The following KIRREL3 variants were observed in gnomAD, a reference collection of about 807,000 sequenced individuals.
KIRREL3 encodes the protein kin of IRRE-like protein 3.
In KIRREL3, 36 loss-of-function variants were observed where a neutral mutation model predicts 89.7. The ratio of observed to expected loss-of-function variants is 0.40; its 90% confidence interval spans 0.31 to 0.53. The LOEUF (loss-of-function observed/expected upper bound fraction) is 0.53, where lower values mean the gene tolerates loss of function less well. Among genes scored for constraint, KIRREL3 ranks in the 20% least tolerant of loss-of-function variants. The pLI is 0.49. For missense variants in KIRREL3, 864 were observed against 1,056.6 expected, an observed-to-expected ratio of 0.82 and a Z score of 2.53; for synonymous variants, 445 against 441.4, an observed-to-expected ratio of 1.01 and a Z score of -0.10.
intron 1 of KIRREL3, among the ~76,000 whole-genome samples, chr11:126,949,457 G>A (rs1416134351): frequency 6.6e-6 from 1 of 152,188 alleles, no homozygotes; most frequent in Non-Finnish European, 1.5e-5. Context: ...GGAACACAGA[G>A]ATGCTCATGC....
intron 1 of KIRREL3, among the ~76,000 whole-genome samples, chr11:126,937,689 G>A (rs1304889410): frequency 6.6e-6 from 1 of 151,974 alleles, no homozygotes; most frequent in Non-Finnish European, 1.5e-5. Flanking sequence ...CACGAGGTCA[G>A]GAGATCAAGA....
chr11:126,787,623 G>A (rs531677679), intron 1 of KIRREL3, among the ~76,000 whole-genome samples: 1 of 152,240 alleles, frequency 6.6e-6, no homozygotes, highest in South Asian at 2.1e-4. Context: ...CAATTCCTTG[G>A]TTAGATGGAA....
chr11:126,925,101 G>A (rs764273832), intron 1 of KIRREL3, among the ~76,000 whole-genome samples: 2 of 59,128 alleles, frequency 3.4e-5, no homozygotes, highest in African/African-American at 5.6e-4. Context: ...AAAGGTCGGG[G>A]GGGGGGGGGG....
At chr11:126,461,396 T>G (rs1956536593) in intron 6 of KIRREL3, among the ~76,000 whole-genome samples, 1 of 152,186 alleles carries the variant, frequency 6.6e-6, no homozygotes, top group Non-Finnish European at 1.5e-5. Context: ...CTGCTTGCAC[T>G]GTGTGCCCCG....
rs1565424164 is a variant in KIRREL3 at position 126,923,254 on chromosome 11, TCTTCTTCTTCTTCTCCTTCTC to T, written c.55+77180_55+77200del. On this transcript the variant is annotated intron_variant, in intron 1 of 16. Coordinates refer to ENST00000525144, the MANE Select transcript of KIRREL3 (RefSeq NM_032531.4). The stretch of plus-strand genomic sequence containing the variant: ...TTCTTCTTCTTCTTCTTCTTCTTCT[TCTTCTTCTTCTTCTCCTTCTC>T]CTTCTCCTTCTCCTTCTCCTTCTTC... Among the ~76,000 whole-genome samples, 184 of 95,218 alleles carry T rather than the reference TCTTCTTCTTCTTCTCCTTCTC, an allele frequency of 1.9e-3. 20 individuals carry two copies. The highest frequency in any genetic ancestry group is 2.4e-3 in the African/African-American group (49 of 20,822). 62.5% of individuals were successfully genotyped at this position (95,218 alleles called of 152,430 possible).
At chr11:126,875,767 A>G (rs1945262838) in intron 1 of KIRREL3, among the ~76,000 whole-genome samples, 2 of 152,234 alleles carry the variant, frequency 1.3e-5, no homozygotes, top group Admixed American at 1.3e-4. Context: ...TGCCCAATGC[A>G]TTTGTCTTCA....
intron 7 of KIRREL3, among the ~76,000 whole-genome samples, chr11:126,451,401 T>C (rs1015130790): frequency 4.9e-4 from 55 of 112,840 alleles, no homozygotes; most frequent in Non-Finnish European, 8.3e-4. Flanking sequence ...AACGTGTGCA[T>C]GTGTGCATGT....
chr11:126,930,458 C>T, intron 1 of KIRREL3, among the ~76,000 whole-genome samples: 1 of 152,214 alleles, frequency 6.6e-6, no homozygotes, highest in Non-Finnish European at 1.5e-5. Context: ...CATCTCACTG[C>T]CCTACTGCGG....
At position 126,883,090 on chromosome 11, in the gene KIRREL3, C is replaced by A. The variant is rs529984889; in HGVS notation, c.55+117365G>T. Among the ~76,000 whole-genome samples, 387 of 152,324 alleles carry A rather than the reference C, an allele frequency of 2.5e-3. 1 individual carries two copies. The highest frequency in any genetic ancestry group is 8.9e-3 in the African/African-American group (371 of 41,582). On this transcript the variant is annotated intron_variant, in intron 1 of 16. Coordinates refer to ENST00000525144, the MANE Select transcript of KIRREL3 (RefSeq NM_032531.4). This position sits in a 1 kb window ranked among gnomAD's most constrained non-coding sequence, Gnocchi z 4.1. ...GTAATACATCTCCTCGTTTAAGTGA[C>A]AGCAGGTAGGGTTTGTTACTTTAAT... is the stretch of plus-strand genomic sequence containing the variant.
chr11:126,937,698 G>A lies in KIRREL3; in HGVS notation c.55+62757C>T, dbSNP rs989102828. 2.6e-5 allele frequency among the ~76,000 whole-genome samples: 4 copies of A among 152,108 alleles called. No homozygotes were observed. In the East Asian group the frequency reaches 7.7e-4, roughly 29 times the overall value. On this transcript the variant is annotated intron_variant, in intron 1 of 16. Coordinates refer to ENST00000525144, the MANE Select transcript of KIRREL3 (RefSeq NM_032531.4). ...GTGGATCACGAGGTCAGGAGATCAA[G>A]ACCATCCTGGCTAACACAGTGAAAC...
intron 10 of KIRREL3, among the ~76,000 whole-genome samples, chr11:126,442,491 A>C (rs952991787): frequency 6.6e-6 from 1 of 152,202 alleles, no homozygotes; most frequent in Non-Finnish European, 1.5e-5. Context: ...GAGGGTTAGT[A>C]AGATTTCTCT....
At chr11:126,707,094 C>T (rs1349335229) in intron 1 of KIRREL3, among the ~76,000 whole-genome samples, 1 of 152,060 alleles carries the variant, frequency 6.6e-6, no homozygotes, top group African/African-American at 2.4e-5. Flanking sequence ...GCTGGGACTA[C>T]AGGTGCATGC....
In KIRREL3 at chr11:126,867,086, C is replaced by G. The variant is rs144075849; in HGVS notation, c.55+133369G>C. Among the ~76,000 whole-genome samples, 67 of 152,352 alleles carry G rather than the reference C, an allele frequency of 4.4e-4. No individual in the cohort carries two copies. The East Asian group carries it at 0.011, about 26-fold the overall frequency. On this transcript the variant is annotated intron_variant, in intron 1 of 16. Coordinates refer to ENST00000525144, the MANE Select transcript of KIRREL3 (RefSeq NM_032531.4). The surrounding 1 kb of genome is among the most constrained non-coding windows in gnomAD (Gnocchi z 4.7). ...AAGAGCACACTGTAACACACGCCCA[C>G]TGGGGCTTCAGGAGCTGTAAACACT...
At chr11:126,632,772 G>GTATGCAGCAACGATATGAACAA (rs1944094036) in intron 1 of KIRREL3, among the ~76,000 whole-genome samples, 8 of 28,826 alleles carry the variant, frequency 2.8e-4, no homozygotes, top group Admixed American at 3.8e-4. Flanking sequence ...CCAATGCCCA[G>GTATGCAGCAACGATATGAACAA]GCACTTGGAG....
chr11:126,431,067 C>G lies in KIRREL3; in HGVS notation c.1696+352G>C, dbSNP rs1955109194. On this transcript the variant is annotated intron_variant, in intron 14 of 16. Transcript: ENST00000525144. The surrounding 1 kb of genome is among the most constrained non-coding windows in gnomAD (Gnocchi z 7.1). ...ATTTTGTTGTAGAGATGGGGTCTCT[C>G]TAGACTAACAGCTCTTGTAGAGCAA... The G allele has an allele frequency of 7.4e-7, 1 of 1,354,532 alleles. No individual in the cohort carries two copies. Among genetic ancestry groups the G allele is most frequent in the Non-Finnish European group, 9.5e-7 (1 of 1,055,146 alleles). 83.9% of individuals were successfully genotyped at this position (1,354,532 alleles called of 1,614,324 possible).
At chr11:126,765,576 A>G (rs919036913) in intron 1 of KIRREL3, among the ~76,000 whole-genome samples, 2 of 152,190 alleles carry the variant, frequency 1.3e-5, no homozygotes, top group African/African-American at 4.8e-5. Flanking sequence ...TTACTACTAC[A>G]GTTATTTTTA....
intron 1 of KIRREL3, among the ~76,000 whole-genome samples, chr11:126,869,361 T>C (rs1945029878): frequency 6.6e-6 from 1 of 152,028 alleles, no homozygotes; most frequent in South Asian, 2.1e-4. Context: ...TAAGGAACCG[T>C]TGCTGCCTAC....
chr11:126,584,800 A>G (rs941448449), intron 1 of KIRREL3, among the ~76,000 whole-genome samples: 1 of 152,234 alleles, frequency 6.6e-6, no homozygotes, highest in Non-Finnish European at 1.5e-5. Context: ...AACAGGCCAC[A>G]ACCCCAATGA....
chr11:126,450,903 G>A (rs377760535), intron 7 of KIRREL3, among the ~76,000 whole-genome samples: 5 of 149,350 alleles, frequency 3.3e-5, no homozygotes, highest in African/African-American at 7.5e-5. Context: ...GTGTGTGCAT[G>A]TGCGTGTGTG....
Sources: allele counts gnomAD v4.1 joint callset (sites outside exome capture counted in the v4.1 genomes callset), GRCh38; gene constraint gnomAD v4.1.1; non-coding constraint Gnocchi (gnomAD v3.1); transcripts MANE v1.5; gene names NCBI Gene and HGNC (gene_info 2026-07-23, HGNC 2026-07-21).